Variants in ZFP64 observed in about 807,000 individuals in gnomAD.
ZFP64 encodes the protein zinc finger protein 64.
ZFP64 carries 14 observed loss-of-function variants against 51.6 expected under a neutral mutation model. That is an observed-to-expected ratio of 0.27 (90% CI 0.18 to 0.42). ZFP64 has a LOEUF of 0.42. Ranked by LOEUF, ZFP64 falls within the 10% of genes least tolerant of loss-of-function variation. ZFP64 has a pLI of 1.00. For missense variants in ZFP64, 754 were observed against 906.8 expected (o/e 0.83, Z 2.16); for synonymous variants, 375 against 361.4 (o/e 1.04, Z -0.43).
chr20:52,176,505 C>CTTTTTTTTTTTTTTTTTTTTT (rs557663780), intron 2 of ZFP64, among the ~76,000 whole-genome samples: 6 of 136,724 alleles, frequency 4.4e-5, no homozygotes, highest in African/African-American at 1.7e-4. Flanking sequence ...TTCAATCTCT[C>CTTTTTTTTTTTTTTTTTTTTT]TTTTTTTTTT....
chr20:52,154,180 G>A (rs1981118481), intron 5 of ZFP64, among the ~76,000 whole-genome samples: 2 of 152,058 alleles, frequency 1.3e-5, no homozygotes, highest in African/African-American at 4.8e-5. Flanking sequence ...GCAAATTGGC[G>A]ACCCCTCATC....
At position 52,152,846 on chromosome 20, in the gene ZFP64, T is replaced by C. The variant is rs868692216; in HGVS notation, c.1346A>G (p.Glu449Gly). 3.7e-6 allele frequency: 6 copies of C among 1,614,198 alleles called. No homozygotes were observed. Among genetic ancestry groups the C allele is most frequent in the Middle Eastern group, 3.3e-4 (2 of 6,062 alleles). The part of the protein sequence containing the change: ...SLRSHKRQHS[E>G]YSESKNSDVT... Reference sequence around the variant, plus strand: ...GTCCGAGTTCTTACTCTCACTGTACTCACTGTGCTGTCTCTTGTGGCTGCG... The same window carrying C: ...GTCCGAGTTCTTACTCTCACTGTACCCACTGTGCTGTCTCTTGTGGCTGCG... Residue 449 changes from glutamate (E) to glycine (G), a missense_variant, in exon 6 of 6, where the codon GAG becomes GGG. Glu to Gly is a moderately conservative substitution (Grantham distance 98). This residue lies in a region of ZFP64 where 428 missense variants were observed against 472.4 expected (regional missense o/e 0.91). Coordinates refer to ENST00000216923, the MANE Select transcript of ZFP64 (RefSeq NM_018197.3).
intron 7 of ZFP64, among the ~76,000 whole-genome samples, chr20:52,091,138 A>G (rs890733794): frequency 1.3e-5 from 2 of 152,020 alleles, no homozygotes; most frequent in Admixed American, 6.6e-5. Context: ...ATCACATCAA[A>G]TATCAGATAA....
At chr20:52,129,960 C>G (rs1358454987) in intron 5 of ZFP64, among the ~76,000 whole-genome samples, 1 of 152,142 alleles carries the variant, frequency 6.6e-6, no homozygotes, top group Non-Finnish European at 1.5e-5. Context: ...GCCTGCTCCT[C>G]TTTCCCTTGC....
rs1375944094 is a variant in ZFP64 at position 52,110,798 on chromosome 20, T to C, written c.764-12211A>G. The C allele has an allele frequency of 5.6e-6, 9 of 1,594,338 alleles. No individual in the cohort carries two copies. In the East Asian group the frequency reaches 2.0e-4, roughly 36 times the overall value. Reference sequence around the variant, plus strand: ...AGGTAGAAGACTGGGTAGCTCTCTTTGAGCAGCTTGTATTTCTCACTCAGC... The same window carrying C: ...AGGTAGAAGACTGGGTAGCTCTCTTCGAGCAGCTTGTATTTCTCACTCAGC... On this transcript the variant is annotated intron_variant, in intron 5 of 8. Coordinates refer to the ZFP64 transcript ENST00000361387.
chr20:52,161,094 G>A (rs1852197282), intron 4 of ZFP64, among the ~76,000 whole-genome samples: 1 of 152,146 alleles, frequency 6.6e-6, no homozygotes, highest in Admixed American at 6.5e-5. Context: ...TTAAGTGCCT[G>A]GCTGGTCCCT....
chr20:52,086,071 A>C (rs190228027), intron 8 of ZFP64, among the ~76,000 whole-genome samples: 22 of 152,168 alleles, frequency 1.4e-4, no homozygotes, highest in Middle Eastern at 3.4e-3. Context: ...TTGAGGATTC[A>C]CTCCTCTTCT....
rs1568682610 is a variant in ZFP64, at chr20:52,153,992, C to T, written c.764-564G>A. Among the ~76,000 whole-genome samples, 1 of 152,074 alleles carries T rather than the reference C, an allele frequency of 6.6e-6. No individual in the cohort carries two copies. ...TTTATTTATCCCATATTGCCAGCTG[C>T]GTTCTTTACTTGTGAAGTTACAAAA... On this transcript the variant is annotated intron_variant, in intron 5 of 5. Transcript: ENST00000216923. The surrounding 1 kb of genome is among the most constrained non-coding windows in gnomAD (Gnocchi z 5.1).
chr20:52,189,090 T>A (rs928470589), intron 1 of ZFP64, among the ~76,000 whole-genome samples: 7 of 152,212 alleles, frequency 4.6e-5, no homozygotes, highest in African/African-American at 1.7e-4. Flanking sequence ...TATAAAATAT[T>A]TTTTTCCATT....
intron 7 of ZFP64, among the ~76,000 whole-genome samples, chr20:52,095,599 C>T (rs906652693): frequency 6.6e-6 from 1 of 152,194 alleles, no homozygotes; most frequent in Non-Finnish European, 1.5e-5. Context: ...AAAGCAGTCA[C>T]CTGGGGCCCA....
At chr20:52,111,134 C>T (rs1271378730) in intron 5 of ZFP64, 21 of 731,112 alleles carry the variant, frequency 2.9e-5, no homozygotes, top group Admixed American at 8.2e-5. Flanking sequence ...GCAGCCACAT[C>T]GCCGGGTTCC....
At chr20:52,154,678 G>A (rs890893968) in intron 5 of ZFP64, among the ~76,000 whole-genome samples, 5 of 152,120 alleles carry the variant, frequency 3.3e-5, no homozygotes, top group African/African-American at 9.7e-5. Flanking sequence ...TGCTTTGTAT[G>A]ACTGAATACC....
At chr20:52,116,260 C>G (rs573766707) in intron 5 of ZFP64, among the ~76,000 whole-genome samples, 61 of 151,920 alleles carry the variant, frequency 4.0e-4, no homozygotes, top group African/African-American at 1.4e-3. Context: ...CTCAGCCTCC[C>G]GAGTAGCTGG....
Position 52,160,380 on chromosome 20 carries a change from AACACAT to A in ZFP64, c.512-12_512-7del. 1 of 1,608,922 alleles carries A rather than the reference AACACAT, an allele frequency of 6.2e-7. No individual in the cohort carries two copies. The highest frequency in any genetic ancestry group is 8.5e-7 in the Non-Finnish European group (1 of 1,176,218). On this transcript the variant is annotated splice_region_variant and splice_polypyrimidine_tract_variant and intron_variant, in intron 4 of 5. Transcript: ENST00000216923. This position sits in a 1 kb window ranked among gnomAD's most constrained non-coding sequence, Gnocchi z 4.2. ...ACACTTATGGGGTTTGTCTCCTTCA[AACACAT>A]ACACACACAGATGGCAGCAGGAAAC...
intron 2 of ZFP64, among the ~76,000 whole-genome samples, chr20:52,185,495 A>G (rs1983893926): frequency 6.6e-6 from 1 of 151,936 alleles, no homozygotes; most frequent in South Asian, 2.1e-4. Flanking sequence ...TCCTTCCTCA[A>G]GCCTTGTTTT....
chr20:52,136,096 C>CAAA (rs71192597), intron 5 of ZFP64, among the ~76,000 whole-genome samples: 828 of 37,928 alleles, frequency 0.022, 61 homozygotes, highest in African/African-American at 0.04. Context: ...GAGACTCTCT[C>CAAA]AAAAAAAAAA....
At chr20:52,175,028 C>G (rs937668572) in intron 2 of ZFP64, among the ~76,000 whole-genome samples, 12 of 152,102 alleles carry the variant, frequency 7.9e-5, no homozygotes, top group Non-Finnish European at 1.5e-4. Context: ...GGTGAACTTC[C>G]TGTTTATTCT....
At chr20:52,189,381 G>A (rs1166533502) in intron 1 of ZFP64, among the ~76,000 whole-genome samples, 5 of 145,524 alleles carry the variant, frequency 3.4e-5, no homozygotes, top group South Asian at 2.1e-4. Flanking sequence ...TGGTGACAGC[G>A]AGACTTCATC....
chr20:52,091,431 A>T (rs1052854964), intron 7 of ZFP64, among the ~76,000 whole-genome samples: 3 of 152,358 alleles, frequency 2.0e-5, no homozygotes, highest in Middle Eastern at 3.4e-3. Context: ...AACACAATAG[A>T]AATTCTAGAA....
Sources: allele counts gnomAD v4.1 joint callset (sites outside exome capture counted in the v4.1 genomes callset), GRCh38; gene constraint gnomAD v4.1.1; regional missense constraint gnomAD v4.1.1; non-coding constraint Gnocchi (gnomAD v3.1); transcripts MANE v1.5; gene names NCBI Gene and HGNC (gene_info 2026-07-23, HGNC 2026-07-21).